The following GET1 variants were observed in gnomAD, a reference collection of about 807,000 sequenced individuals.
GET1 encodes congenital heart disease 5 protein.
GET1 carries 20 observed loss-of-function variants against 22.6 expected under a neutral mutation model. That is an observed-to-expected ratio of 0.89 (90% confidence interval 0.62 to 1.29). GET1 has a LOEUF of 1.29. GET1 is among the 50% of genes most tolerant of loss of function. GET1 has a pLI of 0.00. For missense variants in GET1, 209 were observed against 219.9 expected (o/e 0.95, Z 0.31); for synonymous variants, 92 against 83.8 (o/e 1.10, Z -0.53).
intron 1 of GET1, among the ~76,000 whole-genome samples, chr21:39,421,166 G>A (rs901515678): frequency 4.7e-5 from 7 of 149,962 alleles, no homozygotes; most frequent in Non-Finnish European, 8.9e-5. Context: ...GCAGTGGTGC[G>A]ATCTCGGCTC....
At chr21:39,383,755 T>C (rs1241916288) in intron 1 of GET1, among the ~76,000 whole-genome samples, 1 of 151,250 alleles carries the variant, frequency 6.6e-6, no homozygotes, top group African/African-American at 2.4e-5. Context: ...ATTTTTATTT[T>C]TTTGAGAGGG....
At chr21:39,380,522 G>A in intron 1 of GET1, 36 bp downstream of exon 1, 4 of 1,588,800 alleles carry the variant, frequency 2.5e-6, no homozygotes, top group Non-Finnish European at 3.4e-6. Context: ...GGCCGGTGGG[G>A]ATGCCGCCCC....
intron 4 of GET1, among the ~76,000 whole-genome samples, chr21:39,403,426 A>C (rs1224214299): frequency 6.6e-6 from 1 of 151,762 alleles, no homozygotes; most frequent in Non-Finnish European, 1.5e-5. Context: ...TCCCGGGTTC[A>C]CGCCATTCTC....
At chr21:39,408,275 T>C (rs1188451615), downstream of GET1, among the ~76,000 whole-genome samples, 6 of 152,222 alleles carry the variant, frequency 3.9e-5, no homozygotes, top group Non-Finnish European at 8.8e-5. Flanking sequence ...ATAATGACAC[T>C]TCCAGATGAG....
intron 1 of GET1, among the ~76,000 whole-genome samples, chr21:39,385,591 G>GGT (rs1863963356): frequency 6.6e-6 from 1 of 152,218 alleles, no homozygotes; most frequent in African/African-American, 2.4e-5. Context: ...AGACGCCTTT[G>GGT]GTGAGCACCG....
At chr21:39,415,766 CTTA>C (rs1391146671) in intron 1 of GET1, among the ~76,000 whole-genome samples, 2 of 152,214 alleles carry the variant, frequency 1.3e-5, no homozygotes. Context: ...ACTCTCACCT[CTTA>C]TTTTTTCTGC....
At chr21:39,399,135 A>G (rs559448390), downstream of GET1, among the ~76,000 whole-genome samples, 1 of 152,330 alleles carries the variant, frequency 6.6e-6, no homozygotes, top group East Asian at 1.9e-4. Flanking sequence ...TTGTCCCCCA[A>G]TTTCCCAAAG....
chr21:39,403,452 C>G lies in GET1; in HGVS notation c.350-2462C>G, dbSNP rs566224112. Among the ~76,000 whole-genome samples, 771 of 151,122 alleles carry G rather than the reference C, an allele frequency of 5.1e-3. 6 individuals are homozygous for G. The highest frequency in any genetic ancestry group is 0.018 in the African/African-American group (731 of 41,106). ...CGCCATTCTCCCGCCTCAGCCTCTC[C>G]AGTAGCTGGGACTAAAGGCGCCGCC... On this transcript the variant is annotated intron_variant, in intron 4 of 4. Transcript: ENST00000415847.
rs561748949 is a variant in GET1 at position 39,384,247 on chromosome 21, G to GTTA, written c.102+3782_102+3784dup. 4.1e-3 allele frequency among the ~76,000 whole-genome samples: 620 copies of GTTA among 151,086 alleles called. 5 individuals carry two copies. The highest frequency in any genetic ancestry group is 7.4e-3 in the African/African-American group (307 of 41,250). ...TTGTTGTTGAGTTCCTTTTGTTGTT[G>GTTA]TTATTATTATTATTATTATTATTTT... On this transcript the variant is annotated intron_variant, in intron 1 of 4. Coordinates refer to ENST00000649170, the MANE Select transcript of GET1 (RefSeq NM_004627.6).
At chr21:39,404,553 T>C (rs1312428802) in intron 4 of GET1, among the ~76,000 whole-genome samples, 1 of 152,060 alleles carries the variant, frequency 6.6e-6, no homozygotes, top group African/African-American at 2.4e-5. Flanking sequence ...AAGACCAGCC[T>C]GGCTAACATG....
At chr21:39,390,954 C>T in intron 2 of GET1, 91 bp downstream of exon 2, 1 of 1,404,894 alleles carries the variant, frequency 7.1e-7, no homozygotes, top group Non-Finnish European at 9.7e-7. Context: ...TACTTTGCTT[C>T]TTGGATGTTC....
chr21:39,382,596 C>T (rs1033113774), intron 1 of GET1, among the ~76,000 whole-genome samples: 1 of 152,204 alleles, frequency 6.6e-6, no homozygotes, highest in African/African-American at 2.4e-5. Context: ...AGGATTTCCT[C>T]CCCTTTTAAG....
At chr21:39,406,131 A>G (rs760350193) in exon 5 of GET1, 1 of 1,614,234 alleles carries the variant, frequency 6.2e-7, no homozygotes, top group Admixed American at 1.7e-5. Flanking sequence ...TGAAAGTTGT[A>G]TCCTTCACTT....
chr21:39,428,227 C>T, intron 1 of GET1: 2 of 1,602,286 alleles, frequency 1.2e-6, no homozygotes, highest in Non-Finnish European at 8.5e-7. Flanking sequence ...TTTCTTTTAC[C>T]ACAGGCTGCT....
At chr21:39,404,613 G>A (rs768465302) in intron 4 of GET1, among the ~76,000 whole-genome samples, 4 of 151,786 alleles carry the variant, frequency 2.6e-5, no homozygotes, top group Admixed American at 2.6e-4. Context: ...AGCTGGGTGT[G>A]GTGGTGCATG....
intron 1 of GET1, among the ~76,000 whole-genome samples, chr21:39,384,298 C>T (rs893306206): frequency 3.3e-5 from 5 of 151,606 alleles, no homozygotes; most frequent in Non-Finnish European, 4.4e-5. Context: ...GCTCTTTTGC[C>T]GAGGCTGGAG....
At chr21:39,391,594 T>C (rs2038301944) in intron 2 of GET1, 175 bp from the exon 3 acceptor site, 9 of 607,376 alleles carry the variant, frequency 1.5e-5, no homozygotes, top group Non-Finnish European at 2.2e-5. Flanking sequence ...AATAATGGCA[T>C]AATGAGATGG....
At position 39,390,867 on chromosome 21, in the gene GET1, C is replaced by G. The variant is rs1245877368; in HGVS notation, c.268+4C>G. 6.2e-7 allele frequency: 1 copy of G among 1,613,950 alleles called. No homozygotes were observed. Among genetic ancestry groups the G allele is most frequent in the Non-Finnish European group, 8.5e-7 (1 of 1,179,912 alleles). On this transcript the variant is annotated splice_donor_region_variant and intron_variant, in intron 2 of 4. Transcript: ENST00000649170. ...ACGGATAAGCTCAAAACCCATGGTA[C>G]TGTGTCCCTTGCAGCCTGGAGGCTT...
Position 39,396,998 on chromosome 21 carries a change from A to G in GET1, c.*59A>G. On this transcript the variant is annotated 3_prime_UTR_variant, in exon 5 of 5. Coordinates refer to ENST00000649170, the MANE Select transcript of GET1 (RefSeq NM_004627.6). ...ACGGATTTCCTCTTCCTAGCTTAAA[A>G]TCTGATTTACACTGTTTTGTTTTTT... 2 of 1,577,224 alleles carry G rather than the reference A, an allele frequency of 1.3e-6. No individual in the cohort carries two copies. Among genetic ancestry groups the G allele is most frequent in the South Asian group, 2.2e-5 (2 of 89,492 alleles).
Sources: allele counts gnomAD v4.1 joint callset (sites outside exome capture counted in the v4.1 genomes callset), GRCh38; gene constraint gnomAD v4.1.1; transcripts MANE v1.5; gene names NCBI Gene and HGNC (gene_info 2026-07-23, HGNC 2026-07-21).